NAXE: variants seen among roughly 807,000 people sequenced by gnomAD.
NAXE encodes the protein NAD(P)H-hydrate epimerase.
Under a neutral mutation model 31.2 loss-of-function variants are expected in NAXE, and 25 were observed. That is an observed-to-expected ratio of 0.80 (90% CI 0.58 to 1.12). The LOEUF is 1.12. Among genes scored for constraint, NAXE ranks in the 50% most tolerant of loss-of-function variants. The probability of loss-of-function intolerance (pLI) is 0.00; values close to 1 mark genes in which losing one functional copy is unlikely to be tolerated. For missense variants in NAXE, 362 were observed against 376.1 expected (o/e 0.96, Z 0.31); for synonymous variants, 144 against 154.5 (o/e 0.93, Z 0.50).
chr1:156,593,488 G>A lies in NAXE; in HGVS notation c.597G>A (p.Pro199=), dbSNP rs148479602. Reference sequence around the variant, plus strand: ...GCTTCAAGGGCGATGTTCGGGAACCGTTCCACAGCATCCTGAGTGTCCTGA... The same window carrying A: ...GCTTCAAGGGCGATGTTCGGGAACCATTCCACAGCATCCTGAGTGTCCTGA... The part of the protein sequence containing the change: ...GFSFKGDVRE[P]FHSILSVLKG... The change falls in exon 5 of 6, where the codon CCG becomes CCA. Residue 199 remains proline (P), a synonymous_variant. Coordinates refer to ENST00000368235, the MANE Select transcript of NAXE (RefSeq NM_144772.3). 224 of 1,614,068 alleles carry A rather than the reference G, an allele frequency of 1.4e-4. No homozygotes were observed. The highest frequency in any genetic ancestry group is 1.8e-4 in the Non-Finnish European group (212 of 1,180,030).
Position 156,593,756 on chromosome 1 carries a change from C to G in NAXE, c.665-126C>G, listed in dbSNP as rs1677411423. ...GACCACGGCCCAAGGGTACGTGGAGCTCGTTGGACGAGAGTTCCTCAGGTG... is the reference window on the plus strand; with the variant it reads ...GACCACGGCCCAAGGGTACGTGGAGGTCGTTGGACGAGAGTTCCTCAGGTG... On this transcript the variant is annotated intron_variant, in intron 5 of 5. Coordinates refer to ENST00000368235, the MANE Select transcript of NAXE (RefSeq NM_144772.3). 4.5e-6 allele frequency: 6 copies of G among 1,324,152 alleles called. No individual in the cohort carries two copies. In the South Asian group the frequency reaches 8.1e-5, roughly 18 times the overall value. The allele number at this position is 1,324,152 out of a possible 1,614,324, so 82.0% of individuals were successfully genotyped here. A position where few individuals can be genotyped will look rare whatever the true frequency, so the allele number is the denominator to read the frequency against.
Position 156,593,907 on chromosome 1 carries a change from T to C in NAXE, c.690T>C (p.Ala230=). Residue 230 remains alanine (A), a synonymous_variant, in exon 6 of 6, where the codon GCT becomes GCC. Transcript: ENST00000368235. The part of the protein sequence containing the change: ...PSGWDVEKGN[A]GGIQPDLLIS... ...GATGGGACGTGGAGAAGGGAAATGCTGGAGGGATCCAGCCAGACTTGCTCA... is the reference window on the plus strand; with the variant it reads ...GATGGGACGTGGAGAAGGGAAATGCCGGAGGGATCCAGCCAGACTTGCTCA... 1.2e-6 allele frequency: 2 copies of C among 1,614,170 alleles called. No individual in the cohort carries two copies. Among genetic ancestry groups the C allele is most frequent in the Non-Finnish European group, 8.5e-7 (1 of 1,180,022 alleles).
In NAXE at chr1:156,593,886, G is replaced by C. The variant is rs1677415905; in HGVS notation, c.669G>C (p.Trp223Cys). The change falls in exon 6 of 6, where the codon TGG becomes TGC. Residue 223 changes from tryptophan to cysteine, a missense_variant. Physicochemically the swap from Trp to Cys is radical, Grantham distance 215. Coordinates refer to ENST00000368235, the MANE Select transcript of NAXE (RefSeq NM_144772.3). Reference protein sequence around the residue: ...PIASIDIPSGWDVEKGNAGGI... With the variant: ...PIASIDIPSGCDVEKGNAGGI... Reference sequence around the variant, plus strand: ...TGAACACCACCCTCTTTTCAGGATGGGACGTGGAGAAGGGAAATGCTGGAG... The same window carrying C: ...TGAACACCACCCTCTTTTCAGGATGCGACGTGGAGAAGGGAAATGCTGGAG... 1 of 1,613,900 alleles carries C rather than the reference G, an allele frequency of 6.2e-7. No homozygotes were observed. Among genetic ancestry groups the C allele is most frequent in the African/African-American group, 1.3e-5 (1 of 74,890 alleles).
intron 5 of NAXE, 116 bp downstream of exon 5, chr1:156,593,671 C>A: frequency 6.8e-7 from 1 of 1,462,570 alleles, no homozygotes; most frequent in Non-Finnish European, 9.3e-7. Context: ...CTTTCTGGAC[C>A]CCCATCAGGG....
In NAXE at chr1:156,591,870, CA is replaced by C; in HGVS notation, c.70del (p.Ser24AlafsTer18). ...LVAGSRVPRIKSQTIACRSGP... is the reference protein window; with the variant it reads ...LVAGSRVPRIXSQTIACRSGP... ...TTGCGGGCTCGCGCGTGCCGCGGAT[CA>C]AAAGCCAGACCATCGCCTGTCGCTC... is the stretch of plus-strand genomic sequence containing the variant. On this transcript the variant is annotated frameshift_variant, in exon 1 of 6. Transcript: ENST00000368235. LOFTEE classifies it high-confidence loss of function. 1 of 1,612,118 alleles carries C rather than the reference CA, an allele frequency of 6.2e-7. No homozygotes were observed. Among genetic ancestry groups the C allele is most frequent in the Non-Finnish European group, 8.5e-7 (1 of 1,179,620 alleles).
chr1:156,593,670 C>A (rs2102491464), intron 5 of NAXE, 115 bp downstream of exon 5: 1 of 1,460,768 alleles, frequency 6.8e-7, no homozygotes, highest in Non-Finnish European at 9.4e-7. Context: ...GCTTTCTGGA[C>A]CCCCATCAGG....
chr1:156,594,182 A>G lies in NAXE; in HGVS notation c.*98A>G. 7.4e-7 allele frequency: 1 copy of G among 1,349,074 alleles called. No individual in the cohort carries two copies. Among genetic ancestry groups the G allele is most frequent in the East Asian group, 2.4e-5 (1 of 42,262 alleles). The allele number at this position is 1,349,074 out of a possible 1,614,324, so 83.6% of individuals were successfully genotyped here. ...GCTCCTCTGGCAATAAAAGTCAGTG[A>G]ATGGTGGAAGTCAGAGACCAACCCT... On this transcript the variant is annotated 3_prime_UTR_variant, in exon 6 of 6. Transcript: ENST00000368235.
Position 156,592,472 on chromosome 1 carries a change from C to G in NAXE, c.399C>G (p.Leu133=). The change falls in exon 3 of 6, where the codon CTC becomes CTG. Residue 133 remains leucine, a synonymous_variant. Coordinates refer to ENST00000368235, the MANE Select transcript of NAXE (RefSeq NM_144772.3). ...TGGTCTGTGCTCGACACCTCAAACT[C>G]TTTGTGAGTATGTGGGGAGGGGCTG... ...DGLVCARHLK[L]FGYEPTIYYP... 6.2e-7 allele frequency: 1 copy of G among 1,614,076 alleles called. No homozygotes were observed. The highest frequency in any genetic ancestry group is 8.5e-7 in the Non-Finnish European group (1 of 1,179,982).
In NAXE at chr1:156,593,973, C is replaced by T. The variant is rs754197534; in HGVS notation, c.756C>T (p.Thr252=). ...CCAAAAAATCTGCAACCCAGTTTAC[C>T]GGTCGCTACCATTACCTGGGGGGTC... is the stretch of plus-strand genomic sequence containing the variant. ...TAPKKSATQF[T]GRYHYLGGRF... The change falls in exon 6 of 6, where the codon ACC becomes ACT. Residue 252 remains threonine, a synonymous_variant. Coordinates refer to ENST00000368235, the MANE Select transcript of NAXE (RefSeq NM_144772.3). The T allele has an allele frequency of 5.4e-5, 87 of 1,614,040 alleles. No individual in the cohort carries two copies. Among genetic ancestry groups the T allele is most frequent in the Non-Finnish European group, 6.5e-5 (77 of 1,180,038 alleles).
chr1:156,593,203 G>A lies in NAXE; in HGVS notation c.517-205G>A. The A allele has an allele frequency of 5.1e-6, 3 of 587,670 alleles. No individual in the cohort carries two copies. In the South Asian group the frequency reaches 8.5e-5, roughly 17 times the overall value. 36.4% of individuals were successfully genotyped at this position (587,670 alleles called of 1,614,324 possible). A position where few individuals can be genotyped will look rare whatever the true frequency, so the allele number is the denominator to read the frequency against. On this transcript the variant is annotated intron_variant, in intron 4 of 5. Transcript: ENST00000368235. ...CTCCCCAGTGGTGGGCAGGCAGGCA[G>A]GCACCGAGAACAAAAACTGTCTGGT...
Position 156,593,255 on chromosome 1 carries a change from A to G in NAXE, c.517-153A>G, listed in dbSNP as rs1677392035. 12 of 1,009,810 alleles carry G rather than the reference A, an allele frequency of 1.2e-5. No homozygotes were observed. The East Asian group carries it at 2.3e-4, about 19-fold the overall frequency. The allele number at this position is 1,009,810 out of a possible 1,614,324, so 62.6% of individuals were successfully genotyped here. On this transcript the variant is annotated intron_variant, in intron 4 of 5. Transcript: ENST00000368235. ...TCAATTTGGCCTGAATCAGTGACCA[A>G]CTCACACTTTCTCTAGGCCTCAGGC...
At chr1:156,592,777 G>A (rs1011274138) in intron 4 of NAXE, 107 bp downstream of exon 4, 5 of 1,021,104 alleles carry the variant, frequency 4.9e-6, no homozygotes, top group African/African-American at 1.6e-5. Flanking sequence ...GGTACGGAAG[G>A]TGCCTAACGG....
chr1:156,593,898 G>C lies in NAXE; in HGVS notation c.681G>C (p.Lys227Asn). 2 of 1,614,122 alleles carry C rather than the reference G, an allele frequency of 1.2e-6. No individual in the cohort carries two copies. Among genetic ancestry groups the C allele is most frequent in the Admixed American group, 1.7e-5 (1 of 60,016 alleles). Residue 227 changes from lysine (K) to asparagine (N), a missense_variant, in exon 6 of 6, where the codon AAG (lysine) becomes AAC (asparagine). By Grantham distance (94) the Lys-to-Asn change is moderately conservative (BLOSUM62 0). Transcript: ENST00000368235. ...TCTTTTCAGGATGGGACGTGGAGAA[G>C]GGAAATGCTGGAGGGATCCAGCCAG... ...IDIPSGWDVE[K>N]GNAGGIQPDL...
At chr1:156,593,271 G>C in intron 4 of NAXE, 137 bp from the exon 5 acceptor site, 2 of 1,149,822 alleles carry the variant, frequency 1.7e-6, no homozygotes, top group African/African-American at 1.6e-5. Flanking sequence ...ACTTTCTCTA[G>C]GCCTCAGGCT....
intron 5 of NAXE, 160 bp from the exon 6 acceptor site, chr1:156,593,722 C>A: frequency 7.5e-7 from 1 of 1,324,844 alleles, no homozygotes; most frequent in Non-Finnish European, 1.0e-6. Flanking sequence ...CATGTTGGCC[C>A]CATGAAGAGA....
At chr1:156,593,137 C>T (rs1305656977) in intron 4 of NAXE, 1 of 476,532 alleles carries the variant, frequency 2.1e-6, no homozygotes, top group Non-Finnish European at 3.7e-6. Context: ...AAACCAGAAT[C>T]TGGCTCTCCT....
chr1:156,593,716 T>C (rs1334516580), intron 5 of NAXE, 161 bp downstream of exon 5: 3 of 1,336,830 alleles, frequency 2.2e-6, no homozygotes, highest in Admixed American at 2.1e-5. Context: ...CCTTTACATG[T>C]TGGCCCCATG....
chr1:156,593,503 G>A lies in NAXE; in HGVS notation c.612G>A (p.Leu204=). ...TTCGGGAACCGTTCCACAGCATCCT[G>A]AGTGTCCTGAAGGGACTCACTGTGC... ...GDVREPFHSI[L]SVLKGLTVPI... Residue 204 remains leucine (L), a synonymous_variant, in exon 5 of 6, where the codon CTG becomes CTA. Coordinates refer to ENST00000368235, the MANE Select transcript of NAXE (RefSeq NM_144772.3). 6.2e-7 allele frequency: 1 copy of A among 1,614,212 alleles called. No individual in the cohort carries two copies. The highest frequency in any genetic ancestry group is 8.5e-7 in the Non-Finnish European group (1 of 1,180,030).
In NAXE at chr1:156,592,374, C is replaced by G; in HGVS notation, c.301C>G (p.Pro101Ala). ...TTGACTCTGCCTTCAGGCATATCCC[C>G]CCACGTCCATGTCCAGGAGCCCCCC... ...CATAIAKAYP[P>A]TSMSRSPPTV... The change falls in exon 3 of 6, where the codon CCC becomes GCC. Residue 101 changes from proline to alanine, a missense_variant. Physicochemically the swap from Pro to Ala is conservative, Grantham distance 27 (BLOSUM62 -1). Transcript: ENST00000368235. 1.2e-6 allele frequency: 2 copies of G among 1,614,134 alleles called. No individual in the cohort carries two copies. The highest frequency in any genetic ancestry group is 1.7e-6 in the Non-Finnish European group (2 of 1,180,010).
Sources: allele counts gnomAD v4.1 joint callset, GRCh38; gene constraint gnomAD v4.1.1; transcripts MANE v1.5; gene names NCBI Gene and HGNC (gene_info 2026-07-23, HGNC 2026-07-21).